Variants in KCNQ3 observed in about 807,000 individuals in gnomAD.
KCNQ3 encodes the protein potassium voltage-gated channel subfamily KQT member 3.
Under a neutral mutation model 92.5 loss-of-function variants are expected in KCNQ3, and 30 were observed. The observed-to-expected ratio is 0.32, with a 90% CI of 0.24 to 0.44. The LOEUF (loss-of-function observed/expected upper bound fraction) is 0.44. Ranked by LOEUF, KCNQ3 falls within the 20% of genes least tolerant of loss-of-function variation. The probability of loss-of-function intolerance (pLI) is 1.00; values close to 1 mark genes in which losing one functional copy is unlikely to be tolerated. For synonymous variants in KCNQ3, 450 were observed against 468.8 expected (o/e 0.96, Z 0.52); for missense variants, 913 against 1,140.3 (o/e 0.80, Z 2.87).
Position 132,480,518 on chromosome 8 carries a change from C to G in KCNQ3, c.15G>C (p.Ala5=). 8.6e-7 allele frequency: 1 copy of G among 1,161,704 alleles called. No individual in the cohort carries two copies. Among genetic ancestry groups the G allele is most frequent in the Non-Finnish European group, 1.1e-6 (1 of 939,282 alleles). The allele number at this position is 1,161,704 out of a possible 1,614,324, so 72.0% of individuals were successfully genotyped here. A position where few individuals can be genotyped will look rare whatever the true frequency, so the allele number is the denominator to read the frequency against. Residue 5 remains alanine (A), a synonymous_variant, in exon 1 of 15, where the codon GCG becomes GCC. Transcript: ENST00000388996. MGLK[A]RRAAGAAGGG... The stretch of plus-strand genomic sequence containing the variant: ...CGCCAGCCGCCCCCGCCGCCCTGCG[C>G]GCCTTGAGCCCCATCTGCCTCGCCC...
chr8:132,292,632 T>C (rs1816890725), intron 1 of KCNQ3, among the ~76,000 whole-genome samples: 1 of 151,844 alleles, frequency 6.6e-6, no homozygotes, highest in Non-Finnish European at 1.5e-5. Flanking sequence ...TATTCATCTG[T>C]CTTAGGTTCA....
intron 1 of KCNQ3, among the ~76,000 whole-genome samples, chr8:132,199,611 T>C (rs1827399947): frequency 6.6e-6 from 1 of 152,192 alleles, no homozygotes; most frequent in Non-Finnish European, 1.5e-5. Context: ...AAGAGTATCA[T>C]TTAAAGTGTA....
chr8:132,341,893 T>C (rs1563868881), intron 1 of KCNQ3, among the ~76,000 whole-genome samples: 1 of 152,244 alleles, frequency 6.6e-6, no homozygotes, highest in Non-Finnish European at 1.5e-5. Flanking sequence ...TTTTCTCTAA[T>C]AAAGGGGATA....
intron 1 of KCNQ3, among the ~76,000 whole-genome samples, chr8:132,438,783 T>C (rs1821458747): frequency 6.6e-6 from 1 of 152,000 alleles, no homozygotes; most frequent in East Asian, 1.9e-4. Flanking sequence ...TGCCGTGTGT[T>C]GTTCCCTATC....
chr8:132,245,562 C>T (rs1041414637), intron 1 of KCNQ3, among the ~76,000 whole-genome samples: 5 of 151,914 alleles, frequency 3.3e-5, no homozygotes, highest in Non-Finnish European at 7.4e-5. Context: ...AAGTTTTAAC[C>T]ACCCTTCTCC....
intron 1 of KCNQ3, among the ~76,000 whole-genome samples, chr8:132,237,513 G>A (rs1463215229): frequency 2.0e-5 from 3 of 152,124 alleles, no homozygotes; most frequent in Admixed American, 2.0e-4. Context: ...GAATCCATCT[G>A]GCCCTAGTTT....
In KCNQ3 at chr8:132,138,010, T is replaced by C; in HGVS notation, c.1575A>G (p.Leu525=). ...ATTTTTTTTTATAGAGACGGAATTGTAGAATTCTGCAAGGCAAAGTAGAGG... is the reference window on the plus strand; with the variant it reads ...ATTTTTTTTTATAGAGACGGAATTGCAGAATTCTGCAAGGCAAAGTAGAGG... The part of the protein sequence containing the change: ...LKAAIRAVRI[L]QFRLYKKKFK... Residue 525 remains leucine (L), a synonymous_variant, in exon 12 of 15, where the codon CTA becomes CTG. Coordinates refer to ENST00000388996, the MANE Select transcript of KCNQ3 (RefSeq NM_004519.4). 1.9e-6 allele frequency: 3 copies of C among 1,610,108 alleles called. No homozygotes were observed. Among genetic ancestry groups the C allele is most frequent in the Middle Eastern group, 1.6e-4 (1 of 6,062 alleles).
chr8:132,292,144 C>G (rs377589537), intron 1 of KCNQ3, among the ~76,000 whole-genome samples: 5 of 152,156 alleles, frequency 3.3e-5, no homozygotes, highest in African/African-American at 9.7e-5. Flanking sequence ...CTAAAATAAT[C>G]AAATATATAA....
intron 1 of KCNQ3, among the ~76,000 whole-genome samples, chr8:132,244,731 A>G (rs1815106826): frequency 6.6e-6 from 1 of 152,156 alleles, no homozygotes; most frequent in African/African-American, 2.4e-5. Context: ...CACAGAAATG[A>G]GCTGATGTCC....
At chr8:132,338,018 G>C (rs1402174882) in intron 1 of KCNQ3, among the ~76,000 whole-genome samples, 2 of 152,210 alleles carry the variant, frequency 1.3e-5, no homozygotes, top group Non-Finnish European at 2.9e-5. Context: ...GGCTGGGTAA[G>C]AGGGAAAACT....
chr8:132,300,020 G>A (rs2130580294), intron 1 of KCNQ3, among the ~76,000 whole-genome samples: 1 of 152,294 alleles, frequency 6.6e-6, no homozygotes, highest in East Asian at 1.9e-4. Context: ...TTATGTGTCT[G>A]ATTCCCTGAC....
chr8:132,309,457 C>G (rs901327095), intron 1 of KCNQ3, among the ~76,000 whole-genome samples: 1 of 152,180 alleles, frequency 6.6e-6, no homozygotes, highest in African/African-American at 2.4e-5. Flanking sequence ...GTCACAGCTA[C>G]TGTATGGAGC....
chr8:132,351,712 T>C (rs1341046992), intron 1 of KCNQ3, among the ~76,000 whole-genome samples: 5 of 152,156 alleles, frequency 3.3e-5, no homozygotes, highest in Non-Finnish European at 7.4e-5. Flanking sequence ...AGCAGGTGAC[T>C]GTCCTTAGGC....
At chr8:132,228,453 A>G (rs898264392) in intron 1 of KCNQ3, among the ~76,000 whole-genome samples, 3 of 152,182 alleles carry the variant, frequency 2.0e-5, no homozygotes, top group African/African-American at 7.2e-5. Flanking sequence ...TGCGAAAGAA[A>G]CAATCCACAG....
At chr8:132,329,698 G>A (rs977114182) in intron 1 of KCNQ3, among the ~76,000 whole-genome samples, 7 of 152,116 alleles carry the variant, frequency 4.6e-5, no homozygotes, top group East Asian at 1.9e-4. Context: ...GCTGGCACTC[G>A]GTCCCTCCCA....
At chr8:132,258,991 A>C (rs1394197964) in intron 1 of KCNQ3, among the ~76,000 whole-genome samples, 1 of 152,114 alleles carries the variant, frequency 6.6e-6, no homozygotes, top group African/African-American at 2.4e-5. Context: ...TAGCAAATAA[A>C]ACTATTGAAT....
chr8:132,461,687 T>C (rs1822065094), intron 1 of KCNQ3, among the ~76,000 whole-genome samples: 1 of 152,242 alleles, frequency 6.6e-6, no homozygotes, highest in South Asian at 2.1e-4. Flanking sequence ...ACATTTGACA[T>C]TGTCCTCGCT....
chr8:132,438,134 A>G (rs1363238262), intron 1 of KCNQ3, among the ~76,000 whole-genome samples: 1 of 152,254 alleles, frequency 6.6e-6, no homozygotes, highest in Non-Finnish European at 1.5e-5. Context: ...GATTCTTCTT[A>G]TGAGAAATAC....
intron 1 of KCNQ3, among the ~76,000 whole-genome samples, chr8:132,431,144 T>C (rs1168790906): frequency 6.6e-6 from 1 of 152,110 alleles, no homozygotes; most frequent in Non-Finnish European, 1.5e-5. Flanking sequence ...TGGAGGCCTC[T>C]TGCATCCCTT....
Sources: gnomAD v4.1 joint callset for allele counts (sites outside exome capture counted in the v4.1 genomes callset) on GRCh38, gnomAD v4.1.1 for gene constraint, MANE v1.5 for transcripts, NCBI Gene and HGNC (gene_info 2026-07-23, HGNC 2026-07-21) for gene names.